MAGI1: variants seen among roughly 807,000 people sequenced by gnomAD.
MAGI1 encodes membrane-associated guanylate kinase, WW and PDZ domain-containing protein 1.
A neutral mutation model predicts 139.9 loss-of-function variants in MAGI1; 58 were observed. The ratio of observed to expected loss-of-function variants is 0.41; its 90% confidence interval spans 0.34 to 0.52. The LOEUF (loss-of-function observed/expected upper bound fraction) is 0.52. Among genes scored for constraint, MAGI1 ranks in the 20% least tolerant of loss-of-function variants. The pLI is 0.12. For synonymous variants in MAGI1, 812 were observed against 737.9 expected, an observed-to-expected ratio of 1.10 and a Z score of -1.63; for missense variants, 1,874 against 1,901.6, an observed-to-expected ratio of 0.99 and a Z score of 0.27.
At chr3:65,619,742 G>A (rs2083568385) in intron 2 of MAGI1, 2 of 465,566 alleles carry the variant, frequency 4.3e-6, no homozygotes, top group Non-Finnish European at 5.6e-6. Flanking sequence ...TCCCAAGTAA[G>A]CCCCAGTCTA....
intron 1 of MAGI1, among the ~76,000 whole-genome samples, chr3:65,969,168 T>TG (rs1260023467): frequency 6.6e-6 from 1 of 152,226 alleles, no homozygotes; most frequent in African/African-American, 2.4e-5. Context: ...TTGAACACCG[T>TG]GGGGAGTCTC....
intron 1 of MAGI1, among the ~76,000 whole-genome samples, chr3:65,676,905 T>C (rs1422892802): frequency 6.6e-6 from 1 of 152,216 alleles, no homozygotes. Flanking sequence ...CATACAAACA[T>C]ACCAGATTCC....
intron 13 of MAGI1, among the ~76,000 whole-genome samples, chr3:65,400,842 G>T (rs1443761696): frequency 7.7e-6 from 1 of 129,474 alleles, no homozygotes; most frequent in East Asian, 2.4e-4. Context: ...AACAACAAAG[G>T]ACATTTCTAC....
chr3:65,701,089 A>G (rs142980090), intron 1 of MAGI1, among the ~76,000 whole-genome samples: 4 of 152,230 alleles, frequency 2.6e-5, no homozygotes, highest in East Asian at 3.8e-4. Flanking sequence ...AAACAGGTTT[A>G]CCAATATTAA....
chr3:65,896,251 C>T (rs991564772), intron 1 of MAGI1, among the ~76,000 whole-genome samples: 1 of 151,288 alleles, frequency 6.6e-6, no homozygotes, highest in Non-Finnish European at 1.5e-5. Context: ...AACCCACCAG[C>T]GTATATAATA....
intron 1 of MAGI1, among the ~76,000 whole-genome samples, chr3:65,642,854 T>G (rs575367173): frequency 6.6e-6 from 1 of 152,330 alleles, no homozygotes; most frequent in Non-Finnish European, 1.5e-5. Flanking sequence ...GGAAATTAAA[T>G]CATACTTAGT....
intron 1 of MAGI1, among the ~76,000 whole-genome samples, chr3:65,760,920 C>T (rs1251091276): frequency 3.3e-5 from 5 of 152,188 alleles, no homozygotes; most frequent in Non-Finnish European, 5.9e-5. Context: ...AGAAACACTT[C>T]TTTGAAACAA....
intron 2 of MAGI1, among the ~76,000 whole-genome samples, chr3:65,543,741 G>A (rs888161155): frequency 1.3e-5 from 2 of 151,376 alleles, no homozygotes; most frequent in African/African-American, 4.9e-5. Context: ...TCACACACTG[G>A]GGCCTGTCAG....
intron 3 of MAGI1, among the ~76,000 whole-genome samples, chr3:65,479,198 C>G (rs1369371708): frequency 2.0e-5 from 3 of 152,190 alleles, no homozygotes; most frequent in Non-Finnish European, 4.4e-5. Flanking sequence ...GGCATCCTTA[C>G]AGGCCTAAAA....
intron 1 of MAGI1, among the ~76,000 whole-genome samples, chr3:65,683,671 T>C (rs931010977): frequency 1.0e-4 from 9 of 88,494 alleles, no homozygotes; most frequent in African/African-American, 2.6e-4. Context: ...TATATATATA[T>C]ATATATGTAT....
chr3:65,988,884 G>A (rs559998950), intron 1 of MAGI1, among the ~76,000 whole-genome samples: 2 of 151,986 alleles, frequency 1.3e-5, no homozygotes, highest in South Asian at 4.2e-4. Context: ...CTGATTCCCT[G>A]AAGACAGTTA....
chr3:65,901,798 T>C (rs2061244597), intron 1 of MAGI1, among the ~76,000 whole-genome samples: 1 of 152,226 alleles, frequency 6.6e-6, no homozygotes, highest in Non-Finnish European at 1.5e-5. Context: ...TTTGCATGTA[T>C]ACATCCCAGA....
At chr3:65,957,753 T>TTTG (rs925025256) in intron 1 of MAGI1, among the ~76,000 whole-genome samples, 19 of 151,970 alleles carry the variant, frequency 1.3e-4, no homozygotes, top group South Asian at 6.2e-4. Context: ...GTTTTAGTTC[T>TTTG]TTGTTGTTGT....
At chr3:66,000,035 C>G (rs962205780) in intron 1 of MAGI1, among the ~76,000 whole-genome samples, 1 of 142,228 alleles carries the variant, frequency 7.0e-6, no homozygotes, top group Non-Finnish European at 1.5e-5. Flanking sequence ...TGCAGTGGCG[C>G]GAACTAGGCT....
intron 1 of MAGI1, among the ~76,000 whole-genome samples, chr3:65,999,453 C>T (rs774343915): frequency 2.0e-5 from 3 of 151,928 alleles, no homozygotes; most frequent in Non-Finnish European, 2.9e-5. Flanking sequence ...TATGACCTAC[C>T]GATATCTTTC....
intron 1 of MAGI1, among the ~76,000 whole-genome samples, chr3:65,928,403 A>C (rs1169441622): frequency 2.6e-5 from 4 of 152,350 alleles, no homozygotes; most frequent in South Asian, 2.1e-4. Flanking sequence ...GAATGAACTT[A>C]AAGAAAGTTT....
intron 1 of MAGI1, among the ~76,000 whole-genome samples, chr3:65,851,045 T>C (rs2059184477): frequency 6.6e-6 from 1 of 151,780 alleles, no homozygotes; most frequent in African/African-American, 2.4e-5. Flanking sequence ...AGGCAGAAGT[T>C]GCAGTGAGCC....
At chr3:65,377,515 T>G (rs1185586441) in intron 17 of MAGI1, among the ~76,000 whole-genome samples, 1 of 152,212 alleles carries the variant, frequency 6.6e-6, no homozygotes, top group African/African-American at 2.4e-5. Flanking sequence ...ACCTGCCACT[T>G]GACATATTTG....
At chr3:66,029,424 C>T (rs1022269935) in intron 1 of MAGI1, among the ~76,000 whole-genome samples, 4 of 152,154 alleles carry the variant, frequency 2.6e-5, no homozygotes, top group Non-Finnish European at 4.4e-5. Context: ...CACACAAATG[C>T]CTCCATCCAC....
Sources: allele counts gnomAD v4.1 joint callset (sites outside exome capture counted in the v4.1 genomes callset), GRCh38; gene constraint gnomAD v4.1.1; transcripts MANE v1.5; gene names NCBI Gene and HGNC (gene_info 2026-07-23, HGNC 2026-07-21).